Variants in TWF1 observed in about 807,000 individuals in gnomAD.
TWF1 encodes twinfilin actin binding protein 1, also known as twinfilin-1.
Under a neutral mutation model 47.9 loss-of-function variants are expected in TWF1, and 14 were observed. That is an observed-to-expected ratio of 0.29 (90% confidence interval 0.19 to 0.46). The LOEUF is 0.46. Among genes scored for constraint, TWF1 ranks in the 20% least tolerant of loss-of-function variants. The pLI is 1.00. For synonymous variants in TWF1, 96 were observed against 139.2 expected, an observed-to-expected ratio of 0.69 and a Z score of 2.18; for missense variants, 281 against 409.3, an observed-to-expected ratio of 0.69 and a Z score of 2.70.
intron 5 of TWF1, among the ~76,000 whole-genome samples, chr12:43,798,231 A>G (rs976047579): frequency 1.3e-5 from 2 of 152,162 alleles, no homozygotes; most frequent in Admixed American, 1.3e-4. Flanking sequence ...AAAATGCAAC[A>G]CAAACATCAT....
chr12:43,800,452 C>G lies in TWF1; in HGVS notation c.361G>C (p.Val121Leu), dbSNP rs774769203. 2 of 1,613,000 alleles carry G rather than the reference C, an allele frequency of 1.2e-6. No homozygotes were observed. Among genetic ancestry groups the G allele is most frequent in the East Asian group, 4.5e-5 (2 of 44,818 alleles). The change falls in exon 4 of 9, where the codon GTA (valine) becomes CTA (leucine). Residue 121 changes from valine (V) to leucine (L), a missense_variant. Val to Leu is a conservative substitution (Grantham distance 32, BLOSUM62 1). Transcript: ENST00000395510. ...EFGGGHIKDE[V>L]FGTVKEDVSL... is the part of the protein sequence containing the mutation. ...CATAATACCTTTACTGTTCCAAATACTTCATCTTTAATGTGGCCACCTCCA... is the reference window on the plus strand; with the variant it reads ...CATAATACCTTTACTGTTCCAAATAGTTCATCTTTAATGTGGCCACCTCCA...
At position 43,800,425 on chromosome 12, in the gene TWF1, A is replaced by C. The variant is rs187883433; in HGVS notation, c.378+10T>G. ...TTGCAACATATAGAATCCACATACA[A>C]ACATAATACCTTTACTGTTCCAAAT... On this transcript the variant is annotated intron_variant, in intron 4 of 8. Coordinates refer to ENST00000395510, the MANE Select transcript of TWF1 (RefSeq NM_002822.5). 1.1e-4 allele frequency: 183 copies of C among 1,601,846 alleles called. No homozygotes were observed. The Middle Eastern group carries it at 2.4e-3, about 21-fold the overall frequency.
At position 43,795,637 on chromosome 12, in the gene TWF1, C is replaced by G. The variant is rs1565698287; in HGVS notation, c.1001G>C (p.Gly334Ala). 1 of 1,612,746 alleles carries G rather than the reference C, an allele frequency of 6.2e-7. No individual in the cohort carries two copies. The highest frequency in any genetic ancestry group is 8.5e-7 in the Non-Finnish European group (1 of 1,179,876). The change falls in exon 9 of 9, where the codon GGA becomes GCA. Residue 334 changes from glycine to alanine, a missense_variant. Gly to Ala is a moderately conservative substitution (Grantham distance 60). Coordinates refer to ENST00000395510, the MANE Select transcript of TWF1 (RefSeq NM_002822.5). ...AKPKGPAGKR[G>A]IRRLIRGPAE... ...TGGGCCCCTAATTAGTCTTCGAATT[C>G]CTCTTTTTCCTGCAGGACCTTTTGG...
chr12:43,798,250 T>C (rs985749377), intron 5 of TWF1, among the ~76,000 whole-genome samples: 3 of 152,196 alleles, frequency 2.0e-5, no homozygotes, highest in Admixed American at 6.5e-5. Context: ...ATGCACTGAA[T>C]TGAAAGGAGT....
In TWF1 at chr12:43,799,418, G is replaced by A. The variant is rs149821567; in HGVS notation, c.463C>T (p.Arg155Ter). The A allele has an allele frequency of 6.2e-6, 10 of 1,607,918 alleles. No individual in the cohort carries two copies. The highest frequency in any genetic ancestry group is 5.4e-5 in the African/African-American group (4 of 74,696). The stretch of plus-strand genomic sequence containing the variant: ...CTTACCTCATTGATTTTAATCTGTC[G>A]TAGTTCTTCCTCAGCTGCAGTCAGT... ...APLTAAEEEL[R>*]QIKINEVQTD... The change falls in exon 5 of 9, where the codon CGA becomes TGA. Residue 155 changes from arginine (R) to a stop codon, truncating the protein, a stop_gained. Transcript: ENST00000395510. LOFTEE classifies it high-confidence loss of function.
Position 43,806,293 on chromosome 12 carries a change from C to T in TWF1, c.-48G>A, listed in dbSNP as rs2138160071. On this transcript the variant is annotated 5_prime_UTR_variant, in exon 1 of 9. Transcript: ENST00000395510. ...CTCCGGCGCTGAGTGCAGCCAGCGG[C>T]CCCGGCCGGCGGCCCCAGGAAGTGG... 1 of 1,441,590 alleles carries T rather than the reference C, an allele frequency of 6.9e-7. No individual in the cohort carries two copies. The highest frequency in any genetic ancestry group is 1.3e-5 in the South Asian group (1 of 74,772). The allele number at this position is 1,441,590 out of a possible 1,614,324, so 89.3% of individuals were successfully genotyped here. A position where few individuals can be genotyped will look rare whatever the true frequency, so the allele number is the denominator to read the frequency against.
chr12:43,802,290 G>C lies in TWF1; in HGVS notation c.278C>G (p.Ser93Cys). The part of the protein sequence containing the change: ...WIFIAWSPDH[S>C]HVRQKMLYAA... ...AACTATAAAAAAGTTACTTACATGA[G>C]AATGATCTGGAGACCATGCAATGAA... The change falls in exon 3 of 9, where the codon TCT becomes TGT. Residue 93 changes from serine to cysteine, a missense_variant. By Grantham distance (112) the Ser-to-Cys change is moderately radical. Transcript: ENST00000395510. 2 of 1,512,168 alleles carry C rather than the reference G, an allele frequency of 1.3e-6. No individual in the cohort carries two copies. Among genetic ancestry groups the C allele is most frequent in the Non-Finnish European group, 1.8e-6 (2 of 1,134,982 alleles). The allele number at this position is 1,512,168 out of a possible 1,614,324, so 93.7% of individuals were successfully genotyped here. A position where few individuals can be genotyped will look rare whatever the true frequency, so the allele number is the denominator to read the frequency against.
intron 7 of TWF1, 57 bp from the exon 8 acceptor site, chr12:43,797,154 A>G (rs989396173): frequency 1.2e-5 from 18 of 1,513,964 alleles, no homozygotes; most frequent in Non-Finnish European, 1.8e-6. Context: ...AACTTCATAA[A>G]ACTACATATA....
rs1022524279 is a variant in TWF1 at position 43,794,133 on chromosome 12, A to C, written c.*1452T>G. 1.3e-5 allele frequency: 2 copies of C among 152,594 alleles called. No homozygotes were observed. The highest frequency in any genetic ancestry group is 1.9e-4 in the East Asian group (1 of 5,198). 9.5% of individuals were successfully genotyped at this position (152,594 alleles called of 1,614,324 possible). ...TGGTCTGCTCCAGGATTCTTAATGC[A>C]ATAATTTGGGTGTATGTGTGTCTGT... On this transcript the variant is annotated 3_prime_UTR_variant, in exon 9 of 9. Transcript: ENST00000395510.
Position 43,797,709 on chromosome 12 carries a change from A to C in TWF1, c.608T>G (p.Leu203Trp). The change falls in exon 6 of 9, where the codon TTG (leucine) becomes TGG (tryptophan). Residue 203 changes from leucine (L) to tryptophan (W), a missense_variant and splice_region_variant. Physicochemically the swap from Leu to Trp is moderately conservative, Grantham distance 61 (BLOSUM62 -2). Transcript: ENST00000395510. ...LNNRQLNYVQ[L>W]EIDIKNEIII... ...TAATAATCATTATACATCTCTTACC[A>C]ACTGCACATAGTTGAGCTGTCTATT... 1 of 1,611,584 alleles carries C rather than the reference A, an allele frequency of 6.2e-7. No individual in the cohort carries two copies. Among genetic ancestry groups the C allele is most frequent in the Non-Finnish European group, 8.5e-7 (1 of 1,179,298 alleles).
rs61305692 is a variant in TWF1 at position 43,803,578 on chromosome 12, C to T, written c.103+917G>A. Among the ~76,000 whole-genome samples the T allele has an allele frequency of 5.2e-3, 787 of 152,056 alleles. 11 individuals are homozygous for T. The highest frequency in any genetic ancestry group is 0.018 in the African/African-American group (746 of 41,516). On this transcript the variant is annotated intron_variant, in intron 2 of 8. Coordinates refer to ENST00000395510, the MANE Select transcript of TWF1 (RefSeq NM_002822.5). ...TTAGGAAGTAGTGCCATTTTCCTTC[C>T]GTAGAGATGCTAGTTAGATTAACTT...
At chr12:43,804,057 T>C (rs1317038050) in intron 2 of TWF1, 1 of 215,888 alleles carries the variant, frequency 4.6e-6, no homozygotes, top group Non-Finnish European at 9.7e-6. Context: ...AATGATCATT[T>C]CTGTGGCAAA....
At chr12:43,803,240 A>C (rs1221107662) in intron 2 of TWF1, among the ~76,000 whole-genome samples, 2 of 152,200 alleles carry the variant, frequency 1.3e-5, no homozygotes, top group Non-Finnish European at 2.9e-5. Context: ...AGATGGTATC[A>C]TGCAGTTTAT....
chr12:43,805,795 A>C (rs763873883), intron 1 of TWF1: 2 of 1,359,196 alleles, frequency 1.5e-6, no homozygotes, highest in South Asian at 2.3e-5. Flanking sequence ...AAAGTCCTGT[A>C]ATATTCTCCT....
intron 1 of TWF1, chr12:43,805,713 AAAAT>A: frequency 9.8e-7 from 1 of 1,021,454 alleles, no homozygotes; most frequent in Admixed American, 2.2e-5. Flanking sequence ...ATTTGGAGAG[AAAAT>A]GCGGGAGAGT....
intron 4 of TWF1, among the ~76,000 whole-genome samples, chr12:43,799,816 G>C (rs1942626388): frequency 6.6e-6 from 1 of 151,940 alleles, no homozygotes; most frequent in South Asian, 2.1e-4. Context: ...TTAACCTTCT[G>C]GAGAAAACTG....
Position 43,799,419 on chromosome 12 carries a change from T to C in TWF1, c.462A>G (p.Leu154=), listed in dbSNP as rs1434538067. 6.2e-7 allele frequency: 1 copy of C among 1,608,822 alleles called. No homozygotes were observed. The highest frequency in any genetic ancestry group is 8.5e-7 in the Non-Finnish European group (1 of 1,177,524). The change falls in exon 5 of 9, where the codon CTA becomes CTG. Residue 154 remains leucine, a synonymous_variant. Transcript: ENST00000395510. Reference sequence around the variant, plus strand: ...TTACCTCATTGATTTTAATCTGTCGTAGTTCTTCCTCAGCTGCAGTCAGTG... The same window carrying C: ...TTACCTCATTGATTTTAATCTGTCGCAGTTCTTCCTCAGCTGCAGTCAGTG... The part of the protein sequence containing the change: ...PAPLTAAEEE[L]RQIKINEVQT...
intron 1 of TWF1, 114 bp from the exon 2 acceptor site, chr12:43,804,686 C>G: frequency 4.9e-6 from 3 of 616,136 alleles, no homozygotes; most frequent in African/African-American, 1.9e-5. Flanking sequence ...ATGTAGCATC[C>G]TTATTATCAG....
In TWF1 at chr12:43,797,362, C is replaced by G. The variant is rs751403577; in HGVS notation, c.700G>C (p.Ala234Pro). ...TTATACAGAAAGAAATGGTAACGAG[C>G]TGAATCCTTGGGAATCCTCTTTGGC... ...DLPKRIPKDS[A>P]RYHFFLYKHS... is the part of the protein sequence containing the mutation. Residue 234 changes from alanine to proline, a missense_variant, in exon 7 of 9, where the codon GCT becomes CCT. By Grantham distance (27) the Ala-to-Pro change is conservative (BLOSUM62 -1). Transcript: ENST00000395510. 1 of 1,606,256 alleles carries G rather than the reference C, an allele frequency of 6.2e-7. No individual in the cohort carries two copies. Among genetic ancestry groups the G allele is most frequent in the Non-Finnish European group, 8.5e-7 (1 of 1,176,930 alleles).
Sources: gnomAD v4.1 joint callset for allele counts (sites outside exome capture counted in the v4.1 genomes callset) on GRCh38, gnomAD v4.1.1 for gene constraint, MANE v1.5 for transcripts, NCBI Gene and HGNC (gene_info 2026-07-23, HGNC 2026-07-21) for gene names.